LRP1B: variants seen among roughly 807,000 people sequenced by gnomAD.
The protein encoded by LRP1B is LDL receptor related protein 1B.
In LRP1B, 217 loss-of-function variants were observed where a neutral mutation model predicts 556.6. The ratio of observed to expected loss-of-function variants is 0.39; its 90% CI spans 0.35 to 0.44. The LOEUF is 0.44. LRP1B is among the 20% of genes least tolerant of loss of function. The pLI is 1.00. For missense variants in LRP1B, 5,053 were observed against 5,620.8 expected, an observed-to-expected ratio of 0.90 and a Z score of 3.23; for synonymous variants, 2,047 against 1,865.8, an observed-to-expected ratio of 1.10 and a Z score of -2.50.
chr2:140,687,700 G>C (rs1325366435), intron 41 of LRP1B, among the ~76,000 whole-genome samples: 2 of 151,774 alleles, frequency 1.3e-5, no homozygotes, highest in African/African-American at 4.8e-5. Flanking sequence ...TTTATTTCTG[G>C]TAAAGCTTGT....
intron 14 of LRP1B, among the ~76,000 whole-genome samples, chr2:141,009,280 G>A (rs111901989): frequency 0.023 from 3,495 of 151,828 alleles, 70 homozygotes; most frequent in Non-Finnish European, 0.032. Context: ...GTTAGATAAA[G>A]GCTGAGAGAG....
chr2:140,517,052 C>G (rs1169499434), intron 49 of LRP1B, 41 bp from the exon 50 acceptor site: 1 of 1,439,492 alleles, frequency 6.9e-7, no homozygotes, highest in Non-Finnish European at 9.8e-7. Context: ...TCATTTTAGA[C>G]TTCTGAAATA....
At chr2:140,745,014 G>T (rs1688269881) in intron 35 of LRP1B, among the ~76,000 whole-genome samples, 1 of 152,064 alleles carries the variant, frequency 6.6e-6, no homozygotes, top group Non-Finnish European at 1.5e-5. Flanking sequence ...TGTTTAAAAA[G>T]AATAAAGTCA....
Position 142,117,009 on chromosome 2 carries a change from TTTTC to T in LRP1B, c.82+13635_82+13638del, listed in dbSNP as rs376978040. ...GTTTTTCTTCTGCTCCCTTTTTTTCTTTTCTTTATTTCCTTCCACATTTCACTAA... is the reference window on the plus strand; with the variant it reads ...GTTTTTCTTCTGCTCCCTTTTTTTCTTTTATTTCCTTCCACATTTCACTAA... On this transcript the variant is annotated intron_variant, in intron 1 of 90. Transcript: ENST00000389484. Among the ~76,000 whole-genome samples the T allele has an allele frequency of 5.3e-4, 80 of 152,290 alleles. No homozygotes were observed. The East Asian group carries it at 9.7e-3, about 18-fold the overall frequency.
intron 66 of LRP1B, among the ~76,000 whole-genome samples, chr2:140,425,023 T>C (rs1685595670): frequency 6.6e-6 from 1 of 152,146 alleles, no homozygotes; most frequent in Non-Finnish European, 1.5e-5. Context: ...CTATTTTCGA[T>C]TATAATCCCT....
At chr2:140,652,765 G>A (rs1363749773) in intron 41 of LRP1B, among the ~76,000 whole-genome samples, 1 of 151,982 alleles carries the variant, frequency 6.6e-6, no homozygotes, top group African/African-American at 2.4e-5. Flanking sequence ...TTGAAAACAT[G>A]CCAATCCAAC....
At chr2:141,637,439 A>G (rs1558770557) in intron 2 of LRP1B, among the ~76,000 whole-genome samples, 1 of 152,224 alleles carries the variant, frequency 6.6e-6, no homozygotes, top group Non-Finnish European at 1.5e-5. Flanking sequence ...TGAAGACATC[A>G]GGCCAGCAAA....
intron 43 of LRP1B, among the ~76,000 whole-genome samples, chr2:140,569,094 C>G (rs1681227667): frequency 6.6e-6 from 1 of 151,678 alleles, no homozygotes; most frequent in Non-Finnish European, 1.5e-5. Flanking sequence ...GAGAAAGAAA[C>G]CAAACCTTAT....
intron 2 of LRP1B, among the ~76,000 whole-genome samples, chr2:141,684,329 C>T (rs1367421158): frequency 6.6e-6 from 1 of 152,026 alleles, no homozygotes; most frequent in Non-Finnish European, 1.5e-5. Context: ...TGGAAACCAT[C>T]ATTCTCAGCA....
intron 7 of LRP1B, among the ~76,000 whole-genome samples, chr2:141,096,062 T>C (rs928407733): frequency 3.9e-5 from 6 of 152,178 alleles, no homozygotes; most frequent in African/African-American, 1.4e-4. Flanking sequence ...TATTTACTGA[T>C]CATTTTCTGT....
intron 32 of LRP1B, among the ~76,000 whole-genome samples, chr2:140,808,283 T>C (rs930423064): frequency 3.3e-5 from 5 of 152,176 alleles, no homozygotes; most frequent in African/African-American, 1.2e-4. Context: ...TTAGAGGATT[T>C]CTATCTTGGA....
At chr2:141,047,858 T>G (rs1033664786) in intron 11 of LRP1B, among the ~76,000 whole-genome samples, 1 of 152,108 alleles carries the variant, frequency 6.6e-6, no homozygotes, top group African/African-American at 2.4e-5. Flanking sequence ...TTAATGTTTC[T>G]CCATTAAGAT....
intron 16 of LRP1B, among the ~76,000 whole-genome samples, chr2:140,993,371 C>T (rs1442688972): frequency 6.6e-6 from 1 of 152,034 alleles, no homozygotes; most frequent in East Asian, 1.9e-4. Context: ...GTTTTCCTAA[C>T]ACATATGTGA....
chr2:141,889,932 C>T (rs1699232349), intron 1 of LRP1B, among the ~76,000 whole-genome samples: 1 of 152,010 alleles, frequency 6.6e-6, no homozygotes, highest in Non-Finnish European at 1.5e-5. Context: ...TAGTTAGTGA[C>T]ACTGTACCAC....
intron 5 of LRP1B, among the ~76,000 whole-genome samples, chr2:141,242,400 A>G (rs1030954047): frequency 1.3e-5 from 2 of 152,122 alleles, no homozygotes; most frequent in African/African-American, 4.8e-5. Context: ...CTCTCTTTTC[A>G]AGAATCATAG....
intron 2 of LRP1B, among the ~76,000 whole-genome samples, chr2:141,707,339 T>C (rs1420244946): frequency 6.6e-6 from 1 of 152,100 alleles, no homozygotes; most frequent in African/African-American, 2.4e-5. Context: ...GAACAAAAGG[T>C]CCTACTGTTC....
At chr2:140,980,488 C>T (rs1696734332) in intron 18 of LRP1B, among the ~76,000 whole-genome samples, 1 of 152,168 alleles carries the variant, frequency 6.6e-6, no homozygotes. Flanking sequence ...TTCTCTAGTG[C>T]TTTCTTCCAT....
At chr2:140,349,239 A>G (rs1029910982) in intron 77 of LRP1B, among the ~76,000 whole-genome samples, 20 of 152,140 alleles carry the variant, frequency 1.3e-4, no homozygotes, top group Non-Finnish European at 2.9e-5. Context: ...AAAACTAAAT[A>G]AAAATCAAAG....
At chr2:141,406,538 T>G (rs1195323304) in intron 3 of LRP1B, among the ~76,000 whole-genome samples, 1 of 141,612 alleles carries the variant, frequency 7.1e-6, no homozygotes, top group Admixed American at 7.4e-5. Context: ...GTGTAGAGTA[T>G]CTATCTATCA....
Sources: allele counts gnomAD v4.1 joint callset (sites outside exome capture counted in the v4.1 genomes callset), GRCh38; gene constraint gnomAD v4.1.1; transcripts MANE v1.5; gene names NCBI Gene and HGNC (gene_info 2026-07-23, HGNC 2026-07-21).